GAS2L2: variants seen among roughly 807,000 people sequenced by gnomAD.
GAS2L2 encodes GAS2-like protein 2.
GAS2L2 carries 21 observed loss-of-function variants against 35.2 expected under a neutral mutation model. The observed-to-expected ratio is 0.60, with a 90% CI of 0.42 to 0.86. GAS2L2 has a LOEUF of 0.86. Among genes scored for constraint, GAS2L2 ranks in the 40% least tolerant of loss-of-function variants. The probability of loss-of-function intolerance (pLI) is 0.00; values close to 1 mark genes in which losing one functional copy is unlikely to be tolerated. For synonymous variants in GAS2L2, 490 were observed against 473.2 expected, an observed-to-expected ratio of 1.04 and a Z score of -0.46; for missense variants, 1,169 against 1,144.4, an observed-to-expected ratio of 1.02 and a Z score of -0.31.
Position 35,745,846 on chromosome 17 carries a change from C to T in GAS2L2, c.1651G>A (p.Gly551Arg), listed in dbSNP as rs782396320. 1.4e-5 allele frequency: 23 copies of T among 1,613,776 alleles called. No individual in the cohort carries two copies. In the African/African-American group the frequency reaches 2.8e-4, roughly 20 times the overall value. ...TGCCTCACTTCCACAGAGCAGTCCC[C>T]ATGCGTGGACCCAGCCAGGTCCACA... ...VTVDLAGSTH[G>R]DCSVEVRQED... Residue 551 changes from glycine to arginine, a missense_variant, in exon 6 of 6, where the codon GGG (glycine) becomes AGG (arginine). By Grantham distance (125) the Gly-to-Arg change is moderately radical (BLOSUM62 -2). This residue lies in a region of GAS2L2 where 1,035 missense variants were observed against 976.5 expected (regional missense o/e 1.06). Coordinates refer to ENST00000604641, the MANE Select transcript of GAS2L2 (RefSeq NM_139285.4).
chr17:35,752,805 G>T lies in GAS2L2; in HGVS notation c.46C>A (p.Pro16Thr), dbSNP rs367819705. The change falls in exon 1 of 6, where the codon CCG becomes ACG. Residue 16 changes from proline to threonine, a missense_variant. Physicochemically the swap from Pro to Thr is conservative, Grantham distance 38. This residue lies in a region of GAS2L2 where 127 missense variants were observed against 146.1 expected (regional missense o/e 0.87). Coordinates refer to ENST00000604641, the MANE Select transcript of GAS2L2 (RefSeq NM_139285.4). Reference protein sequence around the residue: ...GGRRKPRTLGPPVCSIRPFKS... With the variant: ...GGRRKPRTLGTPVCSIRPFKS... ...AAAGGCCGGATACTGCACACAGGCG[G>T]CCCTAGGGTCCTGGGCTTCCTCCTG... is the stretch of plus-strand genomic sequence containing the variant. 1 of 1,610,688 alleles carries T rather than the reference G, an allele frequency of 6.2e-7. No individual in the cohort carries two copies. Among genetic ancestry groups the T allele is most frequent in the Non-Finnish European group, 8.5e-7 (1 of 1,177,818 alleles).
At position 35,747,285 on chromosome 17, in the gene GAS2L2, G is replaced by A. The variant is rs75456681; in HGVS notation, c.833-17C>T. The A allele has an allele frequency of 1.7e-4, 265 of 1,595,254 alleles. No individual in the cohort carries two copies. The highest frequency in any genetic ancestry group is 7.3e-4 in the Admixed American group (43 of 58,574). ...GCTTGTGTGCTACCAACAGTCCCCC[G>A]GAGAAAGGAGAGGAGAGAAGGGTTC... On this transcript the variant is annotated splice_polypyrimidine_tract_variant and intron_variant, in intron 4 of 5. Transcript: ENST00000604641.
rs781870105 is a variant in GAS2L2 at position 35,752,669 on chromosome 17, G to A, written c.182C>T (p.Thr61Met). The A allele has an allele frequency of 1.3e-5, 21 of 1,614,118 alleles. No individual in the cohort carries two copies. The highest frequency in any genetic ancestry group is 2.2e-5 in the East Asian group (1 of 44,872). ...GGCGTGTTGGCACAGCACCAGGCCC[G>A]TTTCCAGCACCTGCAGGAAGTTGGC... Reference protein sequence around the residue: ...DAANFLQVLETGLVLCQHANV... With the variant: ...DAANFLQVLEMGLVLCQHANV... The change falls in exon 1 of 6, where the codon ACG becomes ATG. Residue 61 changes from threonine to methionine, a missense_variant. This residue lies in a region of GAS2L2 where 127 missense variants were observed against 146.1 expected (regional missense o/e 0.87). Coordinates refer to ENST00000604641, the MANE Select transcript of GAS2L2 (RefSeq NM_139285.4).
intron 2 of GAS2L2, 57 bp from the exon 3 acceptor site, chr17:35,749,274 G>A: frequency 1.8e-6 from 2 of 1,140,462 alleles, no homozygotes; most frequent in Non-Finnish European, 2.6e-6. Context: ...TCAAAATGGG[G>A]GGCCTACCTG....
chr17:35,752,227 C>T (rs908972295), intron 1 of GAS2L2, among the ~76,000 whole-genome samples: 4 of 152,172 alleles, frequency 2.6e-5, no homozygotes, highest in Non-Finnish European at 5.9e-5. Context: ...AGAAGAGGTG[C>T]TTGATATATG....
intron 3 of GAS2L2, among the ~76,000 whole-genome samples, chr17:35,748,901 GAGA>G (rs2085685951): frequency 6.6e-6 from 1 of 152,340 alleles, no homozygotes. Flanking sequence ...CTCCCAGGGT[GAGA>G]AGGAGAGCTC....
intron 5 of GAS2L2, 25 bp downstream of exon 5, chr17:35,746,991 C>T (rs906721071): frequency 6.6e-6 from 10 of 1,517,750 alleles, no homozygotes; most frequent in South Asian, 2.6e-5. Context: ...GGAAAAAGAG[C>T]CCCATCCCTG....
rs782820778 is a variant in GAS2L2, at chr17:35,745,855, A to T, written c.1642T>A (p.Ser548Thr). 21 of 1,613,724 alleles carry T rather than the reference A, an allele frequency of 1.3e-5. No individual in the cohort carries two copies. Among genetic ancestry groups the T allele is most frequent in the Non-Finnish European group, 1.6e-5 (19 of 1,179,990 alleles). ...TCCACAGAGCAGTCCCCATGCGTGGACCCAGCCAGGTCCACAGTGACGGCC... is the reference window on the plus strand; with the variant it reads ...TCCACAGAGCAGTCCCCATGCGTGGTCCCAGCCAGGTCCACAGTGACGGCC... ...LRAVTVDLAG[S>T]THGDCSVEVR... The change falls in exon 6 of 6, where the codon TCC (serine) becomes ACC (threonine). Residue 548 changes from serine to threonine, a missense_variant. This residue lies in a region of GAS2L2 where 1,035 missense variants were observed against 976.5 expected (regional missense o/e 1.06). Transcript: ENST00000604641.
chr17:35,745,775 C>T lies in GAS2L2; in HGVS notation c.1722G>A (p.Glu574=). ...LDIQVMAEAR[E]SWDLGLQEQE... is the part of the protein sequence containing the mutation. Reference sequence around the variant, plus strand: ...GCTCCTGTAGGCCCAGGTCCCAGGACTCTCTGGCCTCTGCCATGACCTGGA... The same window carrying T: ...GCTCCTGTAGGCCCAGGTCCCAGGATTCTCTGGCCTCTGCCATGACCTGGA... Residue 574 remains glutamate, a synonymous_variant, in exon 6 of 6, where the codon GAG becomes GAA. Transcript: ENST00000604641. 1 of 1,613,810 alleles carries T rather than the reference C, an allele frequency of 6.2e-7. No individual in the cohort carries two copies. The highest frequency in any genetic ancestry group is 8.5e-7 in the Non-Finnish European group (1 of 1,180,036).
intron 4 of GAS2L2, 128 bp downstream of exon 4, chr17:35,747,721 C>A: frequency 1.8e-5 from 13 of 730,488 alleles, no homozygotes; most frequent in East Asian, 2.7e-5. Context: ...CAGCCTCCCC[C>A]ACACCTCCCC....
At chr17:35,748,259 G>C (rs1357253760) in intron 3 of GAS2L2, among the ~76,000 whole-genome samples, 1 of 152,216 alleles carries the variant, frequency 6.6e-6, no homozygotes, top group African/African-American at 2.4e-5. Flanking sequence ...CCCAAAACAG[G>C]GCCCTAATGC....
Position 35,746,043 on chromosome 17 carries a change from A to C in GAS2L2, c.1454T>G (p.Phe485Cys). 1 of 1,541,510 alleles carries C rather than the reference A, an allele frequency of 6.5e-7. No homozygotes were observed. The highest frequency in any genetic ancestry group is 8.7e-7 in the Non-Finnish European group (1 of 1,142,880). The part of the protein sequence containing the change: ...RDEAKGAFFQ[F>C]REPESVRSPT... ...AGAACGGACAGACTCTGGCTCCCTG[A>C]ACTGGAAGAACGCACCCTTGGCCTC... The change falls in exon 6 of 6, where the codon TTC (phenylalanine) becomes TGC (cysteine). Residue 485 changes from phenylalanine to cysteine, a missense_variant. Transcript: ENST00000604641.
At chr17:35,747,320 C>A in intron 4 of GAS2L2, 52 bp from the exon 5 acceptor site, 1 of 1,527,762 alleles carries the variant, frequency 6.5e-7, no homozygotes. Context: ...CAGTTCCTGC[C>A]AATGGGGACC....
At position 35,753,070 on chromosome 17, in the gene GAS2L2, C is replaced by T. The variant is rs2085714164; in HGVS notation, c.-220G>A. On this transcript the variant is annotated 5_prime_UTR_variant, in exon 1 of 6. Transcript: ENST00000604641. ...CCACATTCCTCAGTCCTTGCCAGAG[C>T]TTTCCCTGGTGGCCCTGCAGCAACC... Among the ~76,000 whole-genome samples, 1 of 152,218 alleles carries T rather than the reference C, an allele frequency of 6.6e-6. No individual in the cohort carries two copies. Among genetic ancestry groups the T allele is most frequent in the South Asian group, 2.1e-4 (1 of 4,820 alleles).
chr17:35,747,544 A>G (rs2085676675), intron 4 of GAS2L2, among the ~76,000 whole-genome samples: 1 of 152,128 alleles, frequency 6.6e-6, no homozygotes, highest in Non-Finnish European at 1.5e-5. Flanking sequence ...TTATGGAAGA[A>G]TTAAAGACCC....
chr17:35,747,875 T>C lies in GAS2L2; in HGVS notation c.806A>G (p.His269Arg), dbSNP rs782624210. The C allele has an allele frequency of 2.5e-6, 4 of 1,613,674 alleles. No homozygotes were observed. In the African/African-American group the frequency reaches 5.3e-5, roughly 22 times the overall value. The change falls in exon 4 of 6, where the codon CAT becomes CGT. Residue 269 changes from histidine (H) to arginine (R), a missense_variant. Coordinates refer to ENST00000604641, the MANE Select transcript of GAS2L2 (RefSeq NM_139285.4). ...WDTLGHYLDK[H>R]DPCRCTSLSH... ...GAGGGATGTGCAGCGGCAGGGGTCA[T>C]GTTTGTCCAGGTAATGGCCCAGTGT...
At position 35,746,186 on chromosome 17, in the gene GAS2L2, TG is replaced by T; in HGVS notation, c.1310del (p.Pro437HisfsTer64). ...SWGTDAGNPT[P>X]QRLRAIEATT... ...TGGCCTCAATGGCTCGGAGTCTTTGTGGGGTGGGGTTCCCGGCGTCGGTTCC... is the reference window on the plus strand; with the variant it reads ...TGGCCTCAATGGCTCGGAGTCTTTGTGGGTGGGGTTCCCGGCGTCGGTTCC... On this transcript the variant is annotated frameshift_variant, in exon 6 of 6. Coordinates refer to ENST00000604641, the MANE Select transcript of GAS2L2 (RefSeq NM_139285.4). LOFTEE classifies it low-confidence loss of function (END_TRUNC). 1 of 1,483,300 alleles carries T rather than the reference TG, an allele frequency of 6.7e-7. No homozygotes were observed. Among genetic ancestry groups the T allele is most frequent in the Non-Finnish European group, 9.0e-7 (1 of 1,115,572 alleles). 91.9% of individuals were successfully genotyped at this position (1,483,300 alleles called of 1,614,324 possible).
chr17:35,750,435 G>C, intron 1 of GAS2L2, 117 bp from the exon 2 acceptor site: 3 of 1,372,974 alleles, frequency 2.2e-6, no homozygotes, highest in Non-Finnish European at 3.0e-6. Flanking sequence ...GTCTGGGGCA[G>C]CAGACATGGG....
Position 35,747,242 on chromosome 17 carries a change from GC to G in GAS2L2, c.858del (p.Lys286AsnfsTer11). ...SLSHKPGSFL[K>X]PPAPPVQHEV... ...TCATGCTGCACTGGTGGGGCCGGGG[GC>G]TTCAGGAAGCTGCCTGGCTTGTGTG... On this transcript the variant is annotated frameshift_variant, in exon 5 of 6. Transcript: ENST00000604641. LOFTEE classifies it high-confidence loss of function. 3.7e-6 allele frequency: 6 copies of G among 1,612,306 alleles called. No homozygotes were observed. Among genetic ancestry groups the G allele is most frequent in the Non-Finnish European group, 5.1e-6 (6 of 1,179,058 alleles).
Sources: gnomAD v4.1 joint callset for allele counts (sites outside exome capture counted in the v4.1 genomes callset) on GRCh38, gnomAD v4.1.1 for gene constraint, gnomAD v4.1.1 regional missense constraint, MANE v1.5 for transcripts, NCBI Gene and HGNC (gene_info 2026-07-23, HGNC 2026-07-21) for gene names.